Variants in UNC13C observed in about 807,000 individuals in gnomAD.
UNC13C encodes protein unc-13 homolog C.
A neutral mutation model predicts 245.4 loss-of-function variants in UNC13C; 174 were observed. The observed-to-expected ratio is 0.71, with a 90% CI of 0.63 to 0.80. The LOEUF (loss-of-function observed/expected upper bound fraction) is 0.80, where lower values mean the gene tolerates loss of function less well. UNC13C is among the 30% of genes least tolerant of loss of function. The pLI, the probability that UNC13C is intolerant of heterozygous loss-of-function variation, is 0.00. For synonymous variants in UNC13C, 992 were observed against 895.1 expected (o/e 1.11, Z -1.93); for missense variants, 2,829 against 2,602.9 (o/e 1.09, Z -1.89).
chr15:54,235,877 G>T (rs2140830261), intron 5 of UNC13C, among the ~76,000 whole-genome samples: 1 of 152,084 alleles, frequency 6.6e-6, no homozygotes, highest in Non-Finnish European at 1.5e-5. Flanking sequence ...TAATAAAAAA[G>T]AAGAGAAAAC....
the UNC13C span, among the ~76,000 whole-genome samples, chr15:53,926,983 A>C: frequency 3.3e-5 from 5 of 152,206 alleles, no homozygotes; most frequent in Non-Finnish European, 7.3e-5. Flanking sequence ...TCCTCCAGAA[A>C]AAGGTCTTAA....
the UNC13C span, among the ~76,000 whole-genome samples, chr15:53,840,231 G>A: frequency 2.6e-5 from 4 of 152,124 alleles, no homozygotes; most frequent in Non-Finnish European, 4.4e-5. Flanking sequence ...TCCATGTTCA[G>A]TATTTTAGCT....
the UNC13C span, among the ~76,000 whole-genome samples, chr15:53,883,997 C>T: frequency 6.6e-6 from 1 of 152,004 alleles, no homozygotes; most frequent in Non-Finnish European, 1.5e-5. Context: ...CTACTATTTC[C>T]AGTTTTGCCA....
At chr15:54,318,165 C>T (rs2038058335) in intron 13 of UNC13C, among the ~76,000 whole-genome samples, 1 of 151,912 alleles carries the variant, frequency 6.6e-6, no homozygotes, top group Non-Finnish European at 1.5e-5. Flanking sequence ...TATTCCTTGG[C>T]TGTTGTGCTG....
At chr15:54,291,130 AAATTTTGG>A (rs2037287204) in intron 10 of UNC13C, among the ~76,000 whole-genome samples, 1 of 152,038 alleles carries the variant, frequency 6.6e-6, no homozygotes, top group Non-Finnish European at 1.5e-5. Flanking sequence ...CTTTTAATAT[AAATTTTGG>A]GTAAATTACC....
intron 19 of UNC13C, among the ~76,000 whole-genome samples, chr15:54,427,211 A>C (rs1279505074): frequency 2.0e-5 from 3 of 151,764 alleles, no homozygotes; most frequent in African/African-American, 7.3e-5. Context: ...CAGAATTCCC[A>C]TGTGTTGTGG....
At chr15:54,287,844 G>A (rs762716152) in intron 10 of UNC13C, among the ~76,000 whole-genome samples, 19 of 152,268 alleles carry the variant, frequency 1.2e-4, no homozygotes, top group Middle Eastern at 6.8e-3. Flanking sequence ...TTCTCAGCAT[G>A]TATATATGAC....
Position 54,169,992 on chromosome 15 carries a change from CT to C in UNC13C, c.3071+26324del, listed in dbSNP as rs74768867. ...TATCAGCAAGGACAATATCCTTTTT[CT>C]TTTTTTTTTTTTTTTAAACATCGCT... is the stretch of plus-strand genomic sequence containing the variant. On this transcript the variant is annotated intron_variant, in intron 4 of 32. Transcript: ENST00000260323. Among the ~76,000 whole-genome samples, 129 of 37,860 alleles carry C rather than the reference CT, an allele frequency of 3.4e-3. No homozygotes were observed. The East Asian group carries it at 0.045, about 13-fold the overall frequency. The allele number at this position is 37,860 out of a possible 152,430, so 24.8% of individuals were successfully genotyped here.
intron 2 of UNC13C, among the ~76,000 whole-genome samples, chr15:54,074,983 T>C (rs1898518122): frequency 6.6e-6 from 1 of 152,200 alleles, no homozygotes; most frequent in South Asian, 2.1e-4. Context: ...AAGCACTTTC[T>C]TAACTGGTGA....
the UNC13C span, among the ~76,000 whole-genome samples, chr15:53,891,797 G>A: frequency 6.6e-6 from 1 of 152,140 alleles, no homozygotes; most frequent in African/African-American, 2.4e-5. Context: ...ACACCGATGG[G>A]TCTTGACTGT....
the UNC13C span, among the ~76,000 whole-genome samples, chr15:53,901,500 A>T: frequency 6.6e-6 from 1 of 152,082 alleles, no homozygotes; most frequent in Admixed American, 6.6e-5. Flanking sequence ...TGCTGGGATT[A>T]CAGGCGTGAG....
chr15:54,016,298 T>C (rs1030779211), intron 2 of UNC13C, among the ~76,000 whole-genome samples: 6 of 152,222 alleles, frequency 3.9e-5, no homozygotes, highest in African/African-American at 1.4e-4. Flanking sequence ...GAAAAAGGTG[T>C]AATCTTAAAA....
chr15:54,094,730 C>G (rs548064652), intron 2 of UNC13C, among the ~76,000 whole-genome samples: 4 of 152,252 alleles, frequency 2.6e-5, no homozygotes, highest in African/African-American at 9.6e-5. Context: ...AAACAAAAAT[C>G]TATTAAAGTT....
rs1242906187 is a variant in UNC13C at position 54,032,319 on chromosome 15, A to G, written c.2983+16433A>G. On this transcript the variant is annotated intron_variant, in intron 2 of 32. Coordinates refer to ENST00000260323, the MANE Select transcript of UNC13C (RefSeq NM_001080534.3). ...AGGTACGTCAAATCAGGTTGATAGGAAAACACTCCTTTGATTACAAGGCCG... is the reference window on the plus strand; with the variant it reads ...AGGTACGTCAAATCAGGTTGATAGGGAAACACTCCTTTGATTACAAGGCCG... Among the ~76,000 whole-genome samples the G allele has an allele frequency of 2.6e-5, 4 of 152,290 alleles. No homozygotes were observed. In the South Asian group the frequency reaches 8.3e-4, roughly 32 times the overall value.
At position 54,549,625 on chromosome 15, in the gene UNC13C, T is replaced by G; in HGVS notation, c.5821-10T>G. ...GACTGAGTCTTCTCTCACTTTTTCT[T>G]TGTTTCTAGGGACCCCAGATGATTT... On this transcript the variant is annotated splice_polypyrimidine_tract_variant and intron_variant, in intron 27 of 32. Coordinates refer to ENST00000260323, the MANE Select transcript of UNC13C (RefSeq NM_001080534.3). The G allele has an allele frequency of 6.3e-7, 1 of 1,596,168 alleles. No homozygotes were observed. Among genetic ancestry groups the G allele is most frequent in the Non-Finnish European group, 8.5e-7 (1 of 1,171,062 alleles).
intron 17 of UNC13C, among the ~76,000 whole-genome samples, chr15:54,358,193 C>T (rs1173512398): frequency 1.3e-5 from 2 of 152,016 alleles, no homozygotes; most frequent in East Asian, 1.9e-4. Context: ...TGTTTTTATG[C>T]CATTACCATG....
At chr15:54,502,923 C>G (rs1894293860) in intron 22 of UNC13C, among the ~76,000 whole-genome samples, 1 of 152,070 alleles carries the variant, frequency 6.6e-6, no homozygotes, top group South Asian at 2.1e-4. Context: ...CCGTTTGTAG[C>G]TCTGACCTTT....
chr15:53,841,227 A>G, the UNC13C span, among the ~76,000 whole-genome samples: 2 of 152,080 alleles, frequency 1.3e-5, no homozygotes, highest in African/African-American at 4.8e-5. Flanking sequence ...AAGAGACTTG[A>G]CCATTTTACA....
At chr15:54,300,513 A>C in intron 13 of UNC13C, 140 bp downstream of exon 13, 1 of 795,110 alleles carries the variant, frequency 1.3e-6, no homozygotes, top group East Asian at 2.8e-5. Flanking sequence ...GATGCTGACT[A>C]CTCTCTCTTA....
Sources: gnomAD v4.1 joint callset for allele counts (sites outside exome capture counted in the v4.1 genomes callset) on GRCh38, gnomAD v4.1.1 for gene constraint, MANE v1.5 for transcripts, NCBI Gene and HGNC (gene_info 2026-07-23, HGNC 2026-07-21) for gene names.